NRL: variants seen among roughly 807,000 people sequenced by gnomAD.
NRL encodes the protein neural retina-specific leucine zipper protein.
A neutral mutation model predicts 12.5 loss-of-function variants in NRL; 16 were observed. The ratio of observed to expected loss-of-function variants is 1.28; its 90% CI spans 0.87 to 1.95. The LOEUF (loss-of-function observed/expected upper bound fraction) is 1.95, where lower values mean the gene tolerates loss of function less well. Among genes scored for constraint, NRL ranks in the 30% most tolerant of loss-of-function variants. The probability of loss-of-function intolerance (pLI) is 0.00; values close to 1 mark genes in which losing one functional copy is unlikely to be tolerated. For synonymous variants in NRL, 142 were observed against 150.9 expected, an observed-to-expected ratio of 0.94 and a Z score of 0.43; for missense variants, 314 against 325.8, an observed-to-expected ratio of 0.96 and a Z score of 0.28.
At chr14:24,095,801 G>A (rs1428337251) in intron 1 of NRL, among the ~76,000 whole-genome samples, 4 of 152,168 alleles carry the variant, frequency 2.6e-5, no homozygotes, top group Non-Finnish European at 5.9e-5. Flanking sequence ...CAGACAACAG[G>A]ACGCTGACCT....
intron 1 of NRL, among the ~76,000 whole-genome samples, chr14:24,091,352 T>C (rs2036627494): frequency 1.3e-5 from 2 of 152,146 alleles, no homozygotes; most frequent in Admixed American, 6.5e-5. Flanking sequence ...GGTTTCACCA[T>C]GTTGGCCAGG....
At chr14:24,107,246 T>G (rs1162049599) in intron 1 of NRL, among the ~76,000 whole-genome samples, 4 of 152,190 alleles carry the variant, frequency 2.6e-5, no homozygotes, top group Non-Finnish European at 5.9e-5. Flanking sequence ...AAAATTATTT[T>G]TATTAATTAG....
At chr14:24,097,325 T>G (rs1594290497) in intron 1 of NRL, among the ~76,000 whole-genome samples, 2 of 145,542 alleles carry the variant, frequency 1.4e-5, no homozygotes, top group Admixed American at 6.9e-5. Flanking sequence ...CCAAGGCGGG[T>G]GGATCACCAG....
chr14:24,113,631 G>C lies in NRL; in HGVS notation c.-28+1091C>G, dbSNP rs76629917. 3.0e-3 allele frequency among the ~76,000 whole-genome samples: 457 copies of C among 152,342 alleles called. 2 individuals carry two copies. Among genetic ancestry groups the C allele is most frequent in the African/African-American group, 0.01 (436 of 41,572 alleles). ...GCTTTAAAATTACTAATAATTTCAA[G>C]ACCGTTAACACTAGAACATTAAACC... On this transcript the variant is annotated intron_variant, in intron 1 of 2. Coordinates refer to ENST00000561028, the MANE Select transcript of NRL (RefSeq NM_001354768.3).
intron 1 of NRL, among the ~76,000 whole-genome samples, chr14:24,089,797 A>G (rs1255618088): frequency 6.6e-6 from 1 of 152,218 alleles, no homozygotes; most frequent in East Asian, 1.9e-4. Context: ...GGTCAGGTGA[A>G]TAAGAAGTGA....
intron 1 of NRL, chr14:24,095,199 G>A (rs1226066341): frequency 5.3e-5 from 24 of 455,954 alleles, no homozygotes; most frequent in Admixed American, 1.4e-4. Context: ...TTCCACTTGG[G>A]CAGCCCTTGT....
At chr14:24,099,071 G>C in intron 1 of NRL, 1 of 1,605,772 alleles carries the variant, frequency 6.2e-7, no homozygotes, top group African/African-American at 1.3e-5. Context: ...GCCAGTGGCC[G>C]TGCAACCCAG....
chr14:24,085,719 C>T lies in NRL; in HGVS notation c.-27-2844G>A, dbSNP rs1047596111. On this transcript the variant is annotated intron_variant, in intron 1 of 2. Transcript: ENST00000561028. This position sits in a 1 kb window ranked among gnomAD's most constrained non-coding sequence, Gnocchi z 4.1. ...TCACTTATAAAACTTAACCTGGTCC[C>T]AGCCTTATATGTTGGGGAAAAGCTG... Among the ~76,000 whole-genome samples, 5 of 152,326 alleles carry T rather than the reference C, an allele frequency of 3.3e-5. No homozygotes were observed. The highest frequency in any genetic ancestry group is 3.4e-3 in the Middle Eastern group (1 of 294).
In NRL at chr14:24,081,274, C is replaced by A; in HGVS notation, c.676G>T (p.Gly226Cys). 6.6e-7 allele frequency: 1 copy of A among 1,504,610 alleles called. No homozygotes were observed. 93.2% of individuals were successfully genotyped at this position (1,504,610 alleles called of 1,614,324 possible). The change falls in exon 3 of 3, where the codon GGC (glycine) becomes TGC (cysteine). Residue 226 changes from glycine (G) to cysteine (C), a missense_variant. Coordinates refer to ENST00000561028, the MANE Select transcript of NRL (RefSeq NM_001354768.3). This position sits in a 1 kb window ranked among gnomAD's most constrained non-coding sequence, Gnocchi z 4.4. Reference protein sequence around the residue: ...KARCDRLTSSGPGSGDPSHLF... With the variant: ...KARCDRLTSSCPGSGDPSHLF... The stretch of plus-strand genomic sequence containing the variant: ...TGGGAGGGGTCCCCGGACCCGGGGC[C>A]GCTCGAGGTTAGCCGGTCACAGCGA...
In NRL at chr14:24,081,340, C is replaced by A; in HGVS notation, c.610G>T (p.Glu204Ter). The A allele has an allele frequency of 6.8e-7, 1 of 1,468,822 alleles. No homozygotes were observed. Among genetic ancestry groups the A allele is most frequent in the East Asian group, 2.9e-5 (1 of 34,046 alleles). 91.0% of individuals were successfully genotyped at this position (1,468,822 alleles called of 1,614,324 possible). The change falls in exon 3 of 3, where the codon GAG becomes TAG. Residue 204 changes from glutamate (E) to a stop codon, truncating the protein, a stop_gained. Coordinates refer to ENST00000561028, the MANE Select transcript of NRL (RefSeq NM_001354768.3). LOFTEE classifies it high-confidence loss of function. This position sits in a 1 kb window ranked among gnomAD's most constrained non-coding sequence, Gnocchi z 4.4. Reference protein sequence around the residue: ...LAAQLDALRAEVARLARERDL... With the variant: ...LAAQLDALRA ...CGCTCCCGGGCCAGGCGGGCCACCT[C>A]GGCCCGCAGCGCGTCCAGCTGGGCG...
At position 24,081,003 on chromosome 14, in the gene NRL, TG is replaced by T; in HGVS notation, c.*232del. On this transcript the variant is annotated 3_prime_UTR_variant, in exon 3 of 3. Transcript: ENST00000561028. This position sits in a 1 kb window ranked among gnomAD's most constrained non-coding sequence, Gnocchi z 4.4. Reference sequence around the variant, plus strand: ...TGCAGAGCTCAGCGTGCTAGTCATGTGGGCTGGGTTTCTGTGTTCGTAAGGG... The same window carrying T: ...TGCAGAGCTCAGCGTGCTAGTCATGTGGCTGGGTTTCTGTGTTCGTAAGGG... 2.6e-6 allele frequency: 1 copy of T among 388,930 alleles called. No individual in the cohort carries two copies. The allele number at this position is 388,930 out of a possible 1,614,324, so 24.1% of individuals were successfully genotyped here. A position where few individuals can be genotyped will look rare whatever the true frequency, so the allele number is the denominator to read the frequency against.
intron 1 of NRL, among the ~76,000 whole-genome samples, chr14:24,089,382 G>A (rs923542171): frequency 2.2e-4 from 34 of 151,226 alleles, no homozygotes; most frequent in African/African-American, 8.3e-4. Flanking sequence ...AAGCAGTTGG[G>A]ACTACAGGTG....
intron 1 of NRL, 101 bp from the exon 2 acceptor site, chr14:24,082,976 G>T: frequency 1.7e-6 from 2 of 1,163,498 alleles, no homozygotes; most frequent in Non-Finnish European, 2.4e-6. Context: ...TGGAGCAAGA[G>T]TTTGGGAAAG....
intron 1 of NRL, among the ~76,000 whole-genome samples, chr14:24,091,119 CTGTGTGTGTGTGTGTGTGTGTGTGTG>C (rs55656236): frequency 1.0e-4 from 14 of 138,644 alleles, no homozygotes; most frequent in African/African-American, 3.9e-4. Flanking sequence ...CAGAAAAGGC[CTGTGTGTGTGTGTGTGTGTGTGTGTG>C]TGTGTGTGTG....
chr14:24,097,069 G>A lies in NRL; in HGVS notation c.-27-14194C>T, dbSNP rs376171481. On this transcript the variant is annotated intron_variant, in intron 1 of 2. Transcript: ENST00000561028. ...ACATCTGTGATGGAACTGAGGCTGAGAATACTGCCACACTGACCCTGCTGG... is the reference window on the plus strand; with the variant it reads ...ACATCTGTGATGGAACTGAGGCTGAAAATACTGCCACACTGACCCTGCTGG... 3.1e-6 allele frequency: 5 copies of A among 1,613,262 alleles called. No individual in the cohort carries two copies. The African/African-American group carries it at 6.7e-5, about 22-fold the overall frequency.
intron 1 of NRL, chr14:24,103,894 T>A (rs529585074): frequency 6.2e-7 from 1 of 1,614,046 alleles, no homozygotes; most frequent in Non-Finnish European, 8.5e-7. Context: ...ACAGAGCAGG[T>A]CAACCAGGAT....
At chr14:24,086,094 GTAATGCCA>G (rs2036459112) in intron 1 of NRL, among the ~76,000 whole-genome samples, 1 of 152,188 alleles carries the variant, frequency 6.6e-6, no homozygotes, top group South Asian at 2.1e-4. Context: ...GCAGGCACCT[GTAATGCCA>G]GCTACTCCTA....
chr14:24,106,419 T>A (rs865867986), intron 1 of NRL, among the ~76,000 whole-genome samples: 7 of 152,158 alleles, frequency 4.6e-5, no homozygotes, highest in Admixed American at 1.3e-4. Flanking sequence ...AGAACAAAGT[T>A]AGCAGTGGAG....
At chr14:24,092,482 T>C (rs1223929903) in intron 1 of NRL, among the ~76,000 whole-genome samples, 2 of 152,198 alleles carry the variant, frequency 1.3e-5, no homozygotes, top group Non-Finnish European at 2.9e-5. Context: ...ATGGAGAAGA[T>C]GATGACCTTC....
Sources: allele counts gnomAD v4.1 joint callset (sites outside exome capture counted in the v4.1 genomes callset), GRCh38; gene constraint gnomAD v4.1.1; non-coding constraint Gnocchi (gnomAD v3.1); transcripts MANE v1.5; gene names NCBI Gene and HGNC (gene_info 2026-07-23, HGNC 2026-07-21).